The following MCC variants were observed in gnomAD, a reference collection of about 807,000 sequenced individuals.
MCC encodes colorectal mutant cancer protein.
Under a neutral mutation model 116.2 loss-of-function variants are expected in MCC, and 90 were observed. The observed-to-expected ratio is 0.77, with a 90% CI of 0.65 to 0.92. The LOEUF is 0.92. Among genes scored for constraint, MCC ranks in the 40% least tolerant of loss-of-function variants. The pLI is 0.00. For missense variants in MCC, 1,516 were observed against 1,312.2 expected, an observed-to-expected ratio of 1.16 and a Z score of -2.40; for synonymous variants, 578 against 510.5, an observed-to-expected ratio of 1.13 and a Z score of -1.78.
At chr5:113,454,111 C>CA (rs550356511) in intron 1 of MCC, among the ~76,000 whole-genome samples, 112 of 141,384 alleles carry the variant, frequency 7.9e-4, no homozygotes, top group Middle Eastern at 3.6e-3. Flanking sequence ...AACTCTGTCT[C>CA]AAAAAAAAAA....
At chr5:113,124,933 T>C (rs1757956831) in intron 5 of MCC, among the ~76,000 whole-genome samples, 1 of 152,182 alleles carries the variant, frequency 6.6e-6, no homozygotes. Flanking sequence ...AAAGAAGACC[T>C]CCTGGGTGGA....
chr5:113,284,682 T>C (rs1403734938), intron 3 of MCC, among the ~76,000 whole-genome samples: 2 of 152,214 alleles, frequency 1.3e-5, no homozygotes, highest in Admixed American at 6.5e-5. Context: ...AAGTCAAATA[T>C]ATGCTTAATA....
chr5:113,308,807 CA>C (rs543028676), intron 3 of MCC, among the ~76,000 whole-genome samples: 2 of 128,012 alleles, frequency 1.6e-5, no homozygotes, highest in South Asian at 2.5e-4. Context: ...TAAGACCCTG[CA>C]AAAAAAAAGA....
At chr5:113,115,766 T>C (rs761919862) in intron 6 of MCC, among the ~76,000 whole-genome samples, 2 of 152,294 alleles carry the variant, frequency 1.3e-5, no homozygotes, top group East Asian at 1.9e-4. Context: ...ATCATTTTAC[T>C]TATTTGACTA....
intron 1 of MCC, among the ~76,000 whole-genome samples, chr5:113,427,027 A>C (rs1770503736): frequency 6.6e-6 from 1 of 152,108 alleles, no homozygotes; most frequent in African/African-American, 2.4e-5. Flanking sequence ...GTCTTATCAC[A>C]TCCTAATTGA....
chr5:113,319,241 T>A (rs1227487697), intron 3 of MCC, among the ~76,000 whole-genome samples: 1 of 152,194 alleles, frequency 6.6e-6, no homozygotes, highest in Non-Finnish European at 1.5e-5. Flanking sequence ...TAAAAGTAAA[T>A]TTAGTCTAGC....
Position 113,025,258 on chromosome 5 carries a change from G to A in MCC, c.*2044C>T, listed in dbSNP as rs1750456262. The stretch of plus-strand genomic sequence containing the variant: ...GTGAAAACTGATTTTTTTTTTTTTG[G>A]GGCATATGTTTTTCAGCCAAAACAT... On this transcript the variant is annotated 3_prime_UTR_variant, in exon 19 of 19. Transcript: ENST00000408903. The A allele has an allele frequency of 6.7e-6, 1 of 149,392 alleles. No homozygotes were observed. Among genetic ancestry groups the A allele is most frequent in the African/African-American group, 2.5e-5 (1 of 40,802 alleles). The allele number at this position is 149,392 out of a possible 1,614,324, so 9.3% of individuals were successfully genotyped here.
chr5:113,084,248 T>C (rs1397582848), intron 9 of MCC, 58 bp from the exon 10 acceptor site: 1 of 1,340,648 alleles, frequency 7.5e-7, no homozygotes, highest in Non-Finnish European at 1.1e-6. Flanking sequence ...AGATAAACTG[T>C]TGGGACTACG....
At chr5:113,386,546 G>T (rs1238033292) in intron 1 of MCC, among the ~76,000 whole-genome samples, 1 of 151,880 alleles carries the variant, frequency 6.6e-6, no homozygotes, top group Non-Finnish European at 1.5e-5. Context: ...TCCCCGAAAT[G>T]CTTTTATACT....
chr5:113,143,705 CTG>C (rs1759326720), intron 4 of MCC, among the ~76,000 whole-genome samples: 1 of 152,172 alleles, frequency 6.6e-6, no homozygotes, highest in African/African-American at 2.4e-5. Flanking sequence ...CAGATACCTT[CTG>C]CAGGGGATTT....
chr5:113,342,299 A>G (rs1768037826), intron 2 of MCC, among the ~76,000 whole-genome samples: 1 of 152,224 alleles, frequency 6.6e-6, no homozygotes, highest in Admixed American at 6.5e-5. Context: ...TGGTATAAAC[A>G]TGTATGTGCA....
rs544168062 is a variant in MCC, at chr5:113,096,244, G to A, written c.1398+5495C>T. On this transcript the variant is annotated intron_variant, in intron 8 of 18. Coordinates refer to ENST00000408903, the MANE Select transcript of MCC (RefSeq NM_001085377.2). The stretch of plus-strand genomic sequence containing the variant: ...AGAGGGGAAGTAGAGGACACTTGGA[G>A]AAGCTCTTGGCCCATGTCCAGTGGG... 2.0e-4 allele frequency among the ~76,000 whole-genome samples: 30 copies of A among 152,356 alleles called. 1 individual carries two copies. The highest frequency in any genetic ancestry group is 6.7e-4 in the African/African-American group (28 of 41,578).
intron 3 of MCC, among the ~76,000 whole-genome samples, chr5:113,220,021 AT>A (rs1367076718): frequency 2.2e-5 from 3 of 138,896 alleles, no homozygotes; most frequent in Non-Finnish European, 5.0e-5. Flanking sequence ...AGTCCTTTAC[AT>A]TTCCATGTTA....
chr5:113,254,767 A>G (rs1260201767), intron 3 of MCC, among the ~76,000 whole-genome samples: 1 of 152,196 alleles, frequency 6.6e-6, no homozygotes, highest in Non-Finnish European at 1.5e-5. Flanking sequence ...GATCCAACCA[A>G]CAAAAGCAAA....
intron 3 of MCC, among the ~76,000 whole-genome samples, chr5:113,290,007 T>C (rs1766421186): frequency 6.6e-6 from 1 of 152,208 alleles, no homozygotes; most frequent in Non-Finnish European, 1.5e-5. Flanking sequence ...TTCAGGCCCC[T>C]TCCAATGCTG....
At chr5:113,088,423 A>G (rs966767372) in intron 8 of MCC, among the ~76,000 whole-genome samples, 1 of 151,360 alleles carries the variant, frequency 6.6e-6, no homozygotes, top group African/African-American at 2.4e-5. Context: ...CCCCCAAAAG[A>G]TATGTCCAAA....
intron 3 of MCC, among the ~76,000 whole-genome samples, chr5:113,259,771 A>G (rs1765154087): frequency 6.6e-6 from 1 of 152,254 alleles, no homozygotes; most frequent in Admixed American, 6.5e-5. Flanking sequence ...GCTCAAGGTC[A>G]TCGCCAAGAT....
chr5:113,259,542 C>T (rs1401848522), intron 3 of MCC, among the ~76,000 whole-genome samples: 1 of 152,130 alleles, frequency 6.6e-6, no homozygotes, highest in African/African-American at 2.4e-5. Context: ...GTATTTTGCT[C>T]TTAATGTGCT....
At chr5:113,233,733 G>C (rs1051824324) in intron 3 of MCC, among the ~76,000 whole-genome samples, 1 of 152,164 alleles carries the variant, frequency 6.6e-6, no homozygotes, top group African/African-American at 2.4e-5. Context: ...TTGAGAATTA[G>C]ATTCAAATCC....
Sources: allele counts gnomAD v4.1 joint callset (sites outside exome capture counted in the v4.1 genomes callset), GRCh38; gene constraint gnomAD v4.1.1; transcripts MANE v1.5; gene names NCBI Gene and HGNC (gene_info 2026-07-23, HGNC 2026-07-21).